The following TMEM117 variants were observed in gnomAD, a reference collection of about 807,000 sequenced individuals.
TMEM117 encodes the protein transmembrane protein 117.
TMEM117 carries 27 observed loss-of-function variants against 52.4 expected under a neutral mutation model. The observed-to-expected ratio is 0.51, with a 90% confidence interval of 0.38 to 0.71. The LOEUF (loss-of-function observed/expected upper bound fraction) is 0.71, where lower values mean the gene tolerates loss of function less well. Among genes scored for constraint, TMEM117 ranks in the 30% least tolerant of loss-of-function variants. The probability of loss-of-function intolerance (pLI) is 0.00; values close to 1 mark genes in which losing one functional copy is unlikely to be tolerated. For missense variants in TMEM117, 556 were observed against 630.5 expected, an observed-to-expected ratio of 0.88 and a Z score of 1.26; for synonymous variants, 215 against 206.3, an observed-to-expected ratio of 1.04 and a Z score of -0.36.
chr12:43,856,736 T>G (rs1943406680), intron 2 of TMEM117, among the ~76,000 whole-genome samples: 1 of 152,200 alleles, frequency 6.6e-6, no homozygotes. Flanking sequence ...TGTCAAAATT[T>G]GTTTACCCAT....
chr12:43,916,469 A>G (rs1944605009), intron 2 of TMEM117, among the ~76,000 whole-genome samples: 1 of 152,178 alleles, frequency 6.6e-6, no homozygotes, highest in African/African-American at 2.4e-5. Context: ...ATTCTACCCC[A>G]TCTAGATTAT....
At chr12:43,832,618 C>T (rs1368361807), upstream of TMEM117, among the ~76,000 whole-genome samples, 1 of 152,136 alleles carries the variant, frequency 6.6e-6, no homozygotes, top group African/African-American at 2.4e-5. Flanking sequence ...AGAATTTATA[C>T]CAATATTCAT....
chr12:44,387,778 T>C (rs1395337086), intron 7 of TMEM117, among the ~76,000 whole-genome samples: 1 of 152,098 alleles, frequency 6.6e-6, no homozygotes, highest in Non-Finnish European at 1.5e-5. Flanking sequence ...TTAATCTTGT[T>C]AGTATAAATG....
chr12:43,828,092 A>G, the TMEM117 span, among the ~76,000 whole-genome samples: 14 of 152,220 alleles, frequency 9.2e-5, no homozygotes, highest in East Asian at 5.8e-4. Context: ...GAACTGTGAG[A>G]AAATACATTT....
intron 3 of TMEM117, among the ~76,000 whole-genome samples, chr12:44,032,700 G>A (rs187470578): frequency 1.3e-5 from 2 of 152,262 alleles, no homozygotes; most frequent in East Asian, 3.9e-4. Context: ...CTTTCATACA[G>A]CACCTTTTGT....
At chr12:44,064,768 G>A (rs1206492479) in intron 3 of TMEM117, among the ~76,000 whole-genome samples, 7 of 152,108 alleles carry the variant, frequency 4.6e-5, no homozygotes, top group African/African-American at 1.4e-4. Flanking sequence ...GAGAGATGTA[G>A]GTCAAAGGTT....
At chr12:44,032,232 G>C (rs561356180) in intron 3 of TMEM117, among the ~76,000 whole-genome samples, 50 of 152,174 alleles carry the variant, frequency 3.3e-4, no homozygotes, top group Non-Finnish European at 1.0e-4. Context: ...CAAATAAAAT[G>C]GCCAAGTGTA....
intron 3 of TMEM117, among the ~76,000 whole-genome samples, chr12:44,102,454 G>GTC (rs1947878159): frequency 6.6e-6 from 1 of 151,720 alleles, no homozygotes; most frequent in Admixed American, 6.6e-5. Flanking sequence ...TTCATTCTCT[G>GTC]TCTCTCTCTT....
At chr12:44,376,295 G>A (rs963594286) in intron 6 of TMEM117, 1 of 343,874 alleles carries the variant, frequency 2.9e-6, no homozygotes, top group East Asian at 7.3e-5. Flanking sequence ...ACATTTAAGT[G>A]CAGTTCTCCA....
chr12:44,143,648 A>G (rs1948601114), intron 4 of TMEM117, 24 bp downstream of exon 4: 1 of 1,536,608 alleles, frequency 6.5e-7, no homozygotes, highest in South Asian at 1.1e-5. Context: ...AACTTCACCC[A>G]TTTCAAACAT....
At chr12:43,796,975 C>G in the TMEM117 span, 1 of 1,606,608 alleles carries the variant, frequency 6.2e-7, no homozygotes, top group Non-Finnish European at 8.5e-7. Flanking sequence ...AGGTGGGCTA[C>G]CTTTCTAATT....
At chr12:43,901,541 A>G (rs749206100) in intron 2 of TMEM117, among the ~76,000 whole-genome samples, 15 of 152,086 alleles carry the variant, frequency 9.9e-5, no homozygotes, top group Admixed American at 2.0e-4. Context: ...TGAACTCCTG[A>G]CCTCAAGTGA....
intron 2 of TMEM117, among the ~76,000 whole-genome samples, chr12:43,904,599 C>G (rs1215320853): frequency 6.6e-6 from 1 of 152,048 alleles, no homozygotes; most frequent in Admixed American, 6.5e-5. Context: ...TTAACCCTGC[C>G]TCAGTGACTC....
rs375282171 is a variant in TMEM117, at chr12:44,287,951, G to A, written c.609-11629G>A. Among the ~76,000 whole-genome samples, 39 of 152,286 alleles carry A rather than the reference G, an allele frequency of 2.6e-4. No individual in the cohort carries two copies. The South Asian group carries it at 6.0e-3, about 23-fold the overall frequency. On this transcript the variant is annotated intron_variant, in intron 5 of 7. Transcript: ENST00000266534. ...ATTTGTATAAAGACTTTATGCCAGT[G>A]CTTGGCTTAAGTGCCATATGTCTGA...
intron 3 of TMEM117, among the ~76,000 whole-genome samples, chr12:44,083,904 A>G (rs1298660325): frequency 6.6e-6 from 1 of 151,814 alleles, no homozygotes; most frequent in East Asian, 1.9e-4. Flanking sequence ...CTTTTTTCCT[A>G]TTTATTTGTA....
chr12:43,879,451 A>G (rs1209842995), intron 2 of TMEM117, among the ~76,000 whole-genome samples: 2 of 152,194 alleles, frequency 1.3e-5, no homozygotes, highest in African/African-American at 4.8e-5. Flanking sequence ...AAGCAAACTT[A>G]TATGTCTTCT....
At chr12:43,892,358 T>C (rs1054479168) in intron 2 of TMEM117, among the ~76,000 whole-genome samples, 2 of 152,228 alleles carry the variant, frequency 1.3e-5, no homozygotes, top group Non-Finnish European at 2.9e-5. Flanking sequence ...AGGGTTCTTA[T>C]TGGGTGCTGG....
At chr12:44,329,468 G>A (rs188467941) in intron 6 of TMEM117, among the ~76,000 whole-genome samples, 1 of 152,054 alleles carries the variant, frequency 6.6e-6, no homozygotes, top group Non-Finnish European at 1.5e-5. Context: ...TACCGTATTT[G>A]GTGTTTAACC....
intron 3 of TMEM117, among the ~76,000 whole-genome samples, chr12:44,023,622 T>G (rs1396713166): frequency 6.6e-6 from 1 of 152,020 alleles, no homozygotes; most frequent in African/African-American, 2.4e-5. Flanking sequence ...ATAAATGTCT[T>G]CTTTTGAGAA....
Sources: allele counts gnomAD v4.1 joint callset (sites outside exome capture counted in the v4.1 genomes callset), GRCh38; gene constraint gnomAD v4.1.1; transcripts MANE v1.5; gene names NCBI Gene and HGNC (gene_info 2026-07-23, HGNC 2026-07-21).